The following NR2C1 variants were observed in gnomAD, a reference collection of about 807,000 sequenced individuals.
The protein encoded by NR2C1 is nuclear receptor subfamily 2 group C member 1, also known as TR2 nuclear hormone receptor.
Under a neutral mutation model 74.8 loss-of-function variants are expected in NR2C1, and 33 were observed. The ratio of observed to expected loss-of-function variants is 0.44; its 90% CI spans 0.33 to 0.59. NR2C1 has a LOEUF of 0.59. Ranked by LOEUF, NR2C1 falls within the 20% of genes least tolerant of loss-of-function variation. The pLI is 0.02. For missense variants in NR2C1, 568 were observed against 715.6 expected (o/e 0.79, Z 2.35); for synonymous variants, 225 against 240.6 (o/e 0.94, Z 0.60).
Position 95,067,198 on chromosome 12 carries a change from T to C in NR2C1, c.54+133A>G, listed in dbSNP as rs1377100887. The C allele has an allele frequency of 5.3e-6, 4 of 752,908 alleles. No homozygotes were observed. The Admixed American group carries it at 9.6e-5, about 18-fold the overall frequency. 46.6% of individuals were successfully genotyped at this position (752,908 alleles called of 1,614,324 possible). Reference sequence around the variant, plus strand: ...TGAATTGTCTGATTATTCAACTATCTCTCAGTAGCTTGAAAAGCTATCTTA... The same window carrying C: ...TGAATTGTCTGATTATTCAACTATCCCTCAGTAGCTTGAAAAGCTATCTTA... On this transcript the variant is annotated intron_variant, in intron 2 of 13. Transcript: ENST00000333003.
chr12:95,026,324 A>T (rs1869361442), intron 12 of NR2C1, among the ~76,000 whole-genome samples: 1 of 152,192 alleles, frequency 6.6e-6, no homozygotes, highest in Non-Finnish European at 1.5e-5. Flanking sequence ...GAAATTATGA[A>T]ACCACAAATA....
rs1484484926 is a variant in NR2C1, at chr12:95,073,432, C to G, written c.-60G>C. On this transcript the variant is annotated 5_prime_UTR_variant, in exon 1 of 14. Coordinates refer to ENST00000333003, the MANE Select transcript of NR2C1 (RefSeq NM_003297.4). Reference sequence around the variant, plus strand: ...GCGTCGGGCGCCGACGCGACAGTCCCGCGGCTGCCACTCGTGGATTGGGGG... The same window carrying G: ...GCGTCGGGCGCCGACGCGACAGTCCGGCGGCTGCCACTCGTGGATTGGGGG... 6.6e-6 allele frequency: 1 copy of G among 152,426 alleles called. No individual in the cohort carries two copies. Among genetic ancestry groups the G allele is most frequent in the East Asian group, 1.9e-4 (1 of 5,190 alleles). The allele number at this position is 152,426 out of a possible 1,614,324, so 9.4% of individuals were successfully genotyped here. A position where few individuals can be genotyped will look rare whatever the true frequency, so the allele number is the denominator to read the frequency against.
intron 7 of NR2C1, among the ~76,000 whole-genome samples, chr12:95,053,874 A>G (rs377733252): frequency 7.9e-5 from 12 of 151,908 alleles, no homozygotes; most frequent in African/African-American, 2.2e-4. Context: ...TGGTAGAGAC[A>G]GGGTTTCACT....
At chr12:95,065,056 G>A (rs1349747743) in intron 2 of NR2C1, among the ~76,000 whole-genome samples, 1 of 152,208 alleles carries the variant, frequency 6.6e-6, no homozygotes. Flanking sequence ...CATTACTGCA[G>A]CATAATAATT....
intron 9 of NR2C1, 109 bp from the exon 10 acceptor site, chr12:95,040,706 C>T (rs2136126203): frequency 9.8e-7 from 1 of 1,015,482 alleles, no homozygotes; most frequent in East Asian, 2.7e-5. Context: ...CTAATATATT[C>T]ACAAAAAAAG....
At chr12:95,045,247 A>G (rs944945993) in intron 9 of NR2C1, among the ~76,000 whole-genome samples, 2 of 152,224 alleles carry the variant, frequency 1.3e-5, no homozygotes, top group African/African-American at 2.4e-5. Context: ...AGGGCTAAGA[A>G]AGCTAATGGC....
chr12:95,027,355 A>G (rs906738237), intron 12 of NR2C1, among the ~76,000 whole-genome samples: 2 of 152,134 alleles, frequency 1.3e-5, no homozygotes, highest in Non-Finnish European at 2.9e-5. Context: ...GCGCCCTGCC[A>G]AGGTCTATCA....
intron 3 of NR2C1, among the ~76,000 whole-genome samples, chr12:95,060,312 A>G (rs546592581): frequency 4.6e-5 from 7 of 152,224 alleles, no homozygotes; most frequent in African/African-American, 1.4e-4. Flanking sequence ...GCTCATCACT[A>G]GGCACAGCTA....
At chr12:95,059,189 C>A (rs1874365845) in intron 4 of NR2C1, among the ~76,000 whole-genome samples, 1 of 151,576 alleles carries the variant, frequency 6.6e-6, no homozygotes, top group African/African-American at 2.4e-5. Flanking sequence ...GTAGTCCCAG[C>A]TACTCAGAAG....
chr12:95,064,464 G>C (rs1424991714), intron 2 of NR2C1, among the ~76,000 whole-genome samples: 1 of 152,118 alleles, frequency 6.6e-6, no homozygotes, highest in African/African-American at 2.4e-5. Context: ...GCCATGCTGG[G>C]GGTGAAAAAC....
chr12:95,060,407 A>C (rs2136185776), intron 3 of NR2C1, among the ~76,000 whole-genome samples: 1 of 152,314 alleles, frequency 6.6e-6, no homozygotes, highest in South Asian at 2.1e-4. Context: ...TAATCCCAGC[A>C]CTTTGGGAGG....
intron 9 of NR2C1, among the ~76,000 whole-genome samples, chr12:95,044,424 C>T (rs1431877794): frequency 8.6e-5 from 13 of 151,760 alleles, no homozygotes; most frequent in African/African-American, 7.3e-5. Flanking sequence ...CCCGCCACCA[C>T]ACCCGGCTAA....
Position 95,022,104 on chromosome 12 carries a change from A to G in NR2C1, c.*125T>C. 1 of 683,798 alleles carries G rather than the reference A, an allele frequency of 1.5e-6. No individual in the cohort carries two copies. The highest frequency in any genetic ancestry group is 2.2e-6 in the Non-Finnish European group (1 of 450,702). The allele number at this position is 683,798 out of a possible 1,614,324, so 42.4% of individuals were successfully genotyped here. A position where few individuals can be genotyped will look rare whatever the true frequency, so the allele number is the denominator to read the frequency against. ...ATTCTTAAGGGAAGCTAAAATAAAA[A>G]TACCTTGGATTCTGGTTACTTTTTA... On this transcript the variant is annotated 3_prime_UTR_variant, in exon 14 of 14. Transcript: ENST00000333003.
At chr12:95,024,295 T>G (rs569211219) in intron 13 of NR2C1, among the ~76,000 whole-genome samples, 64 of 152,322 alleles carry the variant, frequency 4.2e-4, no homozygotes, top group Admixed American at 2.6e-4. Flanking sequence ...ACTGTACATA[T>G]ATTAACTGAT....
intron 5 of NR2C1, 188 bp downstream of exon 5, chr12:95,058,122 C>G: frequency 3.1e-6 from 2 of 638,804 alleles, no homozygotes; most frequent in Non-Finnish European, 5.1e-6. Context: ...GTGCTTTTTA[C>G]ACAGGTATTC....
At chr12:95,066,242 C>T (rs980093341) in intron 2 of NR2C1, among the ~76,000 whole-genome samples, 3 of 152,258 alleles carry the variant, frequency 2.0e-5, no homozygotes, top group Admixed American at 6.5e-5. Flanking sequence ...CACCTCACGC[C>T]TGTAATCCCA....
intron 7 of NR2C1, among the ~76,000 whole-genome samples, chr12:95,056,989 A>G (rs1202214971): frequency 1.3e-5 from 2 of 151,456 alleles, no homozygotes; most frequent in Non-Finnish European, 1.5e-5. Context: ...TTTTACACCT[A>G]TAATAAATGT....
chr12:95,029,263 T>C (rs1869753454), intron 11 of NR2C1, among the ~76,000 whole-genome samples: 1 of 151,690 alleles, frequency 6.6e-6, no homozygotes, highest in African/African-American at 2.4e-5. Context: ...TGTATTTTAG[T>C]AGAGATGGGG....
chr12:95,028,331 T>C (rs994032521), intron 12 of NR2C1, 56 bp downstream of exon 12: 5 of 1,466,264 alleles, frequency 3.4e-6, no homozygotes, highest in Non-Finnish European at 4.7e-6. Context: ...TGAGGGCTTC[T>C]ATTTCTCCAC....
Sources: gnomAD v4.1 joint callset for allele counts (sites outside exome capture counted in the v4.1 genomes callset) on GRCh38, gnomAD v4.1.1 for gene constraint, MANE v1.5 for transcripts, NCBI Gene and HGNC (gene_info 2026-07-23, HGNC 2026-07-21) for gene names.